The following SEC31B variants were observed in gnomAD, a reference collection of about 807,000 sequenced individuals.
SEC31B encodes protein transport protein Sec31B.
In SEC31B, 113 loss-of-function variants were observed where a neutral mutation model predicts 135.0. The ratio of observed to expected loss-of-function variants is 0.84; its 90% CI spans 0.72 to 0.98. SEC31B has a LOEUF of 0.98. Among genes scored for constraint, SEC31B ranks in the 50% least tolerant of loss-of-function variants. The pLI is 0.00. For synonymous variants in SEC31B, 508 were observed against 549.4 expected (o/e 0.92, Z 1.05); for missense variants, 1,296 against 1,421.1 (o/e 0.91, Z 1.42).
At chr10:100,500,037 T>C (rs960700845) in intron 11 of SEC31B, 6 of 456,514 alleles carry the variant, frequency 1.3e-5, no homozygotes, top group East Asian at 6.9e-5. Context: ...CCGGAAGCTA[T>C]GCTTTTAGAA....
At chr10:100,494,101 A>C (rs1380334713) in intron 19 of SEC31B, among the ~76,000 whole-genome samples, 6 of 151,770 alleles carry the variant, frequency 4.0e-5, no homozygotes. Flanking sequence ...CTGCCTGGTA[A>C]CTGTATCCAA....
intron 10 of SEC31B, among the ~76,000 whole-genome samples, chr10:100,504,607 A>G (rs1403017263): frequency 6.6e-6 from 1 of 152,216 alleles, no homozygotes; most frequent in East Asian, 1.9e-4. Flanking sequence ...TAAGGAGTCT[A>G]TTACTTAGTA....
chr10:100,497,634 C>G, intron 16 of SEC31B, 33 bp downstream of exon 16: 1 of 1,614,066 alleles, frequency 6.2e-7, no homozygotes, highest in Non-Finnish European at 8.5e-7. Flanking sequence ...TGGAGTCACA[C>G]CATTTCATCC....
At chr10:100,494,334 G>A (rs1241521111) in intron 19 of SEC31B, among the ~76,000 whole-genome samples, 1 of 152,170 alleles carries the variant, frequency 6.6e-6, no homozygotes, top group Non-Finnish European at 1.5e-5. Context: ...GTTATTTCAT[G>A]TCTTCATCAT....
intron 7 of SEC31B, 36 bp downstream of exon 7, chr10:100,507,389 T>C: frequency 1.2e-6 from 2 of 1,613,418 alleles, no homozygotes; most frequent in Non-Finnish European, 1.7e-6. Context: ...ATATCCACCA[T>C]CCCCCCAAGG....
Position 100,488,015 on chromosome 10 carries a change from A to G in SEC31B, c.3360+12T>C. 2.5e-6 allele frequency: 4 copies of G among 1,612,952 alleles called. No individual in the cohort carries two copies. The Admixed American group carries it at 5.0e-5, about 20-fold the overall frequency. Reference sequence around the variant, plus strand: ...TGTAGGAGGCAGTGGGAGCACAGCTAGCTGTACTTACTGTCCCCTCACAGA... The same window carrying G: ...TGTAGGAGGCAGTGGGAGCACAGCTGGCTGTACTTACTGTCCCCTCACAGA... On this transcript the variant is annotated intron_variant, in intron 25 of 25. Transcript: ENST00000370345.
At position 100,516,215 on chromosome 10, in the gene SEC31B, T is replaced by A. The variant is rs754600658; in HGVS notation, c.84A>T (p.Thr28=). 7 of 1,613,786 alleles carry A rather than the reference T, an allele frequency of 4.3e-6. No individual in the cohort carries two copies. Among genetic ancestry groups the A allele is most frequent in the Non-Finnish European group, 5.9e-6 (7 of 1,179,900 alleles). ...AGGAGGAATCTAGCTGTTGGGCAGA[T>A]GTTCCTAGGCACAAGAAAAGGCAGC... ...SQYPLYLATG[T]SAQQLDSSFS... The change falls in exon 3 of 26, where the codon ACA becomes ACT. Residue 28 remains threonine, a synonymous_variant. Coordinates refer to ENST00000370345, the MANE Select transcript of SEC31B (RefSeq NM_015490.4).
intron 20 of SEC31B, 146 bp from the exon 21 acceptor site, chr10:100,490,468 T>A (rs1165080775): frequency 9.1e-6 from 9 of 991,552 alleles, no homozygotes; most frequent in Non-Finnish European, 1.3e-5. Flanking sequence ...CAAAATACTT[T>A]TAACTATATT....
intron 3 of SEC31B, among the ~76,000 whole-genome samples, chr10:100,512,017 C>T (rs992735943): frequency 1.3e-5 from 2 of 152,332 alleles, no homozygotes; most frequent in South Asian, 2.1e-4. Flanking sequence ...CTAACCCATG[C>T]TCTATTATCT....
At chr10:100,499,371 AT>A (rs1851473559) in intron 12 of SEC31B, 113 bp from the exon 13 acceptor site, 5 of 1,105,988 alleles carry the variant, frequency 4.5e-6, no homozygotes, top group South Asian at 1.4e-5. Context: ...TCCCTGATCT[AT>A]TTTTTTCTGA....
intron 13 of SEC31B, 26 bp downstream of exon 13, chr10:100,499,134 T>C: frequency 6.3e-7 from 1 of 1,593,950 alleles, no homozygotes; most frequent in Admixed American, 1.7e-5. Flanking sequence ...TTACCATAGG[T>C]CAGGCTGACT....
chr10:100,497,332 C>T (rs1851430850), intron 16 of SEC31B, 52 bp from the exon 17 acceptor site: 1 of 1,598,278 alleles, frequency 6.3e-7, no homozygotes, highest in African/African-American at 1.3e-5. Flanking sequence ...GTGTGCCTCT[C>T]CTTCTCCTGT....
At position 100,487,698 on chromosome 10, in the gene SEC31B, C is replaced by T; in HGVS notation, c.3458G>A (p.Gly1153Asp). 6.2e-7 allele frequency: 1 copy of T among 1,613,910 alleles called. No individual in the cohort carries two copies. Among genetic ancestry groups the T allele is most frequent in the Non-Finnish European group, 8.5e-7 (1 of 1,179,930 alleles). Reference protein sequence around the residue: ...QGLAVHAQVAGCSSFSEVSSF... With the variant: ...QGLAVHAQVADCSSFSEVSSF... ...GGACACCTCGCTGAAGCTGCTACAG[C>T]CCGCCACCTGGGCATGCACTGCAAG... is the stretch of plus-strand genomic sequence containing the variant. Residue 1153 changes from glycine to aspartate, a missense_variant, in exon 26 of 26, where the codon GGC becomes GAC. Coordinates refer to ENST00000370345, the MANE Select transcript of SEC31B (RefSeq NM_015490.4).
intron 21 of SEC31B, 32 bp downstream of exon 21, chr10:100,489,976 C>G: frequency 2.0e-6 from 3 of 1,533,130 alleles, no homozygotes; most frequent in Non-Finnish European, 1.7e-6. Context: ...AGGCAATAAC[C>G]CAGAAGAGGG....
At position 100,502,387 on chromosome 10, in the gene SEC31B, GT is replaced by G; in HGVS notation, c.1276del (p.Thr426GlnfsTer6). On this transcript the variant is annotated frameshift_variant, in exon 11 of 26. Coordinates refer to ENST00000370345, the MANE Select transcript of SEC31B (RefSeq NM_015490.4). LOFTEE classifies it high-confidence loss of function. ...PRLVFISQVT[T>X]ESEFLMRSAE... ...TGATCGCATCAGGAATTCAGATTCTGTGGTGACTTGACTGATGAAGACTAGG... is the reference window on the plus strand; with the variant it reads ...TGATCGCATCAGGAATTCAGATTCTGGGTGACTTGACTGATGAAGACTAGG... The G allele has an allele frequency of 1.9e-6, 3 of 1,614,230 alleles. No individual in the cohort carries two copies. Among genetic ancestry groups the G allele is most frequent in the Non-Finnish European group, 2.5e-6 (3 of 1,180,040 alleles).
chr10:100,497,104 G>C (rs1851425621), intron 17 of SEC31B, 31 bp downstream of exon 17: 2 of 1,608,540 alleles, frequency 1.2e-6, no homozygotes, highest in Non-Finnish European at 1.7e-6. Context: ...GCCTGGTGTG[G>C]AGTGGCCAGT....
intron 12 of SEC31B, 105 bp from the exon 13 acceptor site, chr10:100,499,363 C>T (rs1851473273): frequency 3.6e-6 from 4 of 1,105,320 alleles, no homozygotes; most frequent in East Asian, 5.0e-5. Flanking sequence ...CTCTAAGATC[C>T]CTGATCTATT....
In SEC31B at chr10:100,516,909, C is replaced by G. The variant is rs1490699545; in HGVS notation, c.44G>C (p.Ser15Thr). The G allele has an allele frequency of 1.9e-6, 3 of 1,614,126 alleles. No individual in the cohort carries two copies. Among genetic ancestry groups the G allele is most frequent in the Non-Finnish European group, 2.5e-6 (3 of 1,180,026 alleles). Reference sequence around the variant, plus strand: ...ATACAAAGGGTATTGGCTGGCTGGGCTCCATGCCTGGACAGCTGGCCGCTC... The same window carrying G: ...ATACAAAGGGTATTGGCTGGCTGGGGTCCATGCCTGGACAGCTGGCCGCTC... ...ELERPAVQAW[S>T]PASQYPLYLA... The change falls in exon 2 of 26, where the codon AGC (serine) becomes ACC (threonine). Residue 15 changes from serine to threonine, a missense_variant. Physicochemically the swap from Ser to Thr is moderately conservative, Grantham distance 58. Coordinates refer to ENST00000370345, the MANE Select transcript of SEC31B (RefSeq NM_015490.4).
rs7074707 is a variant in SEC31B at position 100,509,416 on chromosome 10, T to G, written c.299A>C (p.Tyr100Ser). The G allele has an allele frequency of 6.2e-7, 1 of 1,614,128 alleles. No individual in the cohort carries two copies. Among genetic ancestry groups the G allele is most frequent in the East Asian group, 2.2e-5 (1 of 44,884 alleles). The change falls in exon 4 of 26, where the codon TAC (tyrosine) becomes TCC (serine). Residue 100 changes from tyrosine (Y) to serine (S), a missense_variant. Tyr to Ser is a moderately radical substitution (Grantham distance 144). Coordinates refer to ENST00000370345, the MANE Select transcript of SEC31B (RefSeq NM_015490.4). The stretch of plus-strand genomic sequence containing the variant: ...CGAAGACAGGATGTGGGTCACATTG[T>G]ATAGAATAAGCATGCCATTGTCCCC... Reference protein sequence around the residue: ...GGGDNGMLILYNVTHILSSGK... With the variant: ...GGGDNGMLILSNVTHILSSGK...
Sources: gnomAD v4.1 joint callset for allele counts (sites outside exome capture counted in the v4.1 genomes callset) on GRCh38, gnomAD v4.1.1 for gene constraint, MANE v1.5 for transcripts, NCBI Gene and HGNC (gene_info 2026-07-23, HGNC 2026-07-21) for gene names.